The following CHD9 variants were observed in gnomAD, a reference collection of about 807,000 sequenced individuals.
The protein encoded by CHD9 is ATP-dependent chromatin remodeler CHD9.
A neutral mutation model predicts 316.1 loss-of-function variants in CHD9; 77 were observed. The ratio of observed to expected loss-of-function variants is 0.24; its 90% CI spans 0.20 to 0.29. The LOEUF is 0.29. Among genes scored for constraint, CHD9 ranks in the 10% least tolerant of loss-of-function variants. CHD9 has a pLI of 1.00. For synonymous variants in CHD9, 1,129 were observed against 1,158.3 expected (o/e 0.97, Z 0.51); for missense variants, 2,763 against 3,438.1 (o/e 0.80, Z 4.91).
At chr16:53,315,371 A>T (rs575518409) in intron 36 of CHD9, among the ~76,000 whole-genome samples, 48 of 152,342 alleles carry the variant, frequency 3.2e-4, no homozygotes, top group Admixed American at 1.4e-3. Context: ...ATTATAGTAA[A>T]CATGTATTGA....
At chr16:53,130,379 C>G (rs1460817735) in intron 1 of CHD9, among the ~76,000 whole-genome samples, 1 of 151,976 alleles carries the variant, frequency 6.6e-6, no homozygotes, top group Admixed American at 6.5e-5. Flanking sequence ...CCGAGCTGCC[C>G]GAGAGATGCC....
chr16:53,303,035 A>G (rs1416883727), intron 30 of CHD9, among the ~76,000 whole-genome samples: 2 of 152,190 alleles, frequency 1.3e-5, no homozygotes, highest in Admixed American at 6.5e-5. Flanking sequence ...GTTCACTCCA[A>G]TGTCCTCTTA....
chr16:53,197,713 G>C (rs1348781887), intron 2 of CHD9, among the ~76,000 whole-genome samples: 2 of 149,836 alleles, frequency 1.3e-5, no homozygotes, highest in African/African-American at 4.9e-5. Flanking sequence ...CTGTAGTGCA[G>C]TGGTGCGATC....
intron 1 of CHD9, among the ~76,000 whole-genome samples, chr16:53,104,222 C>T (rs2037130627): frequency 6.6e-6 from 1 of 152,166 alleles, no homozygotes; most frequent in South Asian, 2.1e-4. Flanking sequence ...AAGATTTGGC[C>T]ATTTTCAGTT....
chr16:53,172,146 T>A (rs1306644704), intron 2 of CHD9, among the ~76,000 whole-genome samples: 1 of 152,142 alleles, frequency 6.6e-6, no homozygotes, highest in Non-Finnish European at 1.5e-5. Context: ...CAGAACATAC[T>A]CATTACCCCC....
intron 1 of CHD9, chr16:53,121,663 C>T (rs1306218931): frequency 7.7e-6 from 2 of 259,940 alleles, no homozygotes; most frequent in Non-Finnish European, 1.5e-5. Context: ...GATTTGAGAA[C>T]AGTGCTGAGC....
chr16:53,167,220 T>C (rs1397060530), intron 2 of CHD9, among the ~76,000 whole-genome samples: 2 of 152,202 alleles, frequency 1.3e-5, no homozygotes, highest in Non-Finnish European at 2.9e-5. Context: ...TCTCTGTGTT[T>C]AGTGTTTAAA....
intron 1 of CHD9, among the ~76,000 whole-genome samples, chr16:53,061,838 CACCCAT>C (rs1245238686): frequency 8.5e-5 from 13 of 152,318 alleles, no homozygotes; most frequent in Admixed American, 7.2e-4. Flanking sequence ...ATGGGTGGGG[CACCCAT>C]AGTGTCTCCA....
rs150603584 is a variant in CHD9, at chr16:53,190,632, C to T, written c.1453-18850C>T. Among the ~76,000 whole-genome samples the T allele has an allele frequency of 1.9e-3, 292 of 152,208 alleles. 1 individual carries two copies. The highest frequency in any genetic ancestry group is 6.9e-3 in the African/African-American group (286 of 41,546). ...AAAATTAGCTTATTTTCTGAGAACA[C>T]TTTCAAGTCTTCCTTGCCCCTCTAG... On this transcript the variant is annotated intron_variant, in intron 2 of 38. Coordinates refer to ENST00000447540, the MANE Select transcript of CHD9 (RefSeq NM_001308319.2).
At chr16:53,231,575 C>G (rs1199539116) in intron 9 of CHD9, 70 bp downstream of exon 9, 3 of 1,394,340 alleles carry the variant, frequency 2.2e-6, no homozygotes, top group Non-Finnish European at 3.0e-6. Context: ...AGACCTAGTA[C>G]TTTATTCTCT....
At chr16:53,242,481 T>C (rs1234501175) in intron 12 of CHD9, among the ~76,000 whole-genome samples, 3 of 152,188 alleles carry the variant, frequency 2.0e-5, no homozygotes, top group Non-Finnish European at 4.4e-5. Context: ...TGTGAACTCA[T>C]TGGTGTAAGT....
intron 2 of CHD9, among the ~76,000 whole-genome samples, chr16:53,186,344 G>C (rs953911380): frequency 6.6e-6 from 1 of 152,166 alleles, no homozygotes; most frequent in African/African-American, 2.4e-5. Context: ...AATGGGGCCT[G>C]TAGCCCCTTC....
intron 2 of CHD9, among the ~76,000 whole-genome samples, chr16:53,166,900 AT>A (rs1394977031): frequency 6.6e-6 from 1 of 152,176 alleles, no homozygotes; most frequent in Non-Finnish European, 1.5e-5. Flanking sequence ...ACAGGTTTAC[AT>A]TGACCATTTC....
chr16:53,217,956 C>CTTTCTTTT (rs1567499999), intron 3 of CHD9, among the ~76,000 whole-genome samples: 1 of 115,746 alleles, frequency 8.6e-6, no homozygotes, highest in Non-Finnish European at 1.8e-5. Context: ...TTCTTTCTTT[C>CTTTCTTTT]TTTTTTTTTT....
chr16:53,057,812 C>T (rs894808931), intron 1 of CHD9, among the ~76,000 whole-genome samples: 3 of 152,184 alleles, frequency 2.0e-5, no homozygotes, highest in South Asian at 2.1e-4. Flanking sequence ...CAGGAGGACA[C>T]GCTGCTTTCT....
chr16:53,200,135 A>AGGCTGAGGT (rs2045319389), intron 2 of CHD9, among the ~76,000 whole-genome samples: 1 of 152,018 alleles, frequency 6.6e-6, no homozygotes, highest in African/African-American at 2.4e-5. Context: ...GCACTTTGGG[A>AGGCTGAGGT]GGCTGAGGTG....
chr16:53,066,093 T>A (rs1365731732), intron 1 of CHD9, among the ~76,000 whole-genome samples: 1 of 152,184 alleles, frequency 6.6e-6, no homozygotes, highest in Non-Finnish European at 1.5e-5. Context: ...TGCTGGGGTT[T>A]GTTCCATTAT....
chr16:53,153,655 A>G (rs918619246), intron 1 of CHD9, among the ~76,000 whole-genome samples: 13 of 152,008 alleles, frequency 8.6e-5, no homozygotes, highest in African/African-American at 1.9e-4. Context: ...CAGCCCCCCA[A>G]ATAGCTGGGA....
intron 1 of CHD9, among the ~76,000 whole-genome samples, chr16:53,151,657 C>T (rs2041129776): frequency 6.6e-6 from 1 of 152,166 alleles, no homozygotes. Context: ...CTTCGGTTTG[C>T]TCAAATCTCC....
Sources: allele counts gnomAD v4.1 joint callset (sites outside exome capture counted in the v4.1 genomes callset), GRCh38; gene constraint gnomAD v4.1.1; transcripts MANE v1.5; gene names NCBI Gene and HGNC (gene_info 2026-07-23, HGNC 2026-07-21).